CLDN10: variants seen among roughly 807,000 people sequenced by gnomAD.
The protein encoded by CLDN10 is claudin-10.
In CLDN10, 15 loss-of-function variants were observed where a neutral mutation model predicts 22.9. The ratio of observed to expected loss-of-function variants is 0.65; its 90% CI spans 0.44 to 1.01. The LOEUF is 1.01. Ranked by LOEUF, CLDN10 falls within the 50% of genes least tolerant of loss-of-function variation. The pLI is 0.00. For missense variants in CLDN10, 247 were observed against 287.8 expected (o/e 0.86, Z 1.03); for synonymous variants, 114 against 111.4 (o/e 1.02, Z -0.15).
chr13:95,574,173 A>G (rs563570711), intron 3 of CLDN10, among the ~76,000 whole-genome samples: 45 of 152,318 alleles, frequency 3.0e-4, no homozygotes, highest in South Asian at 1.9e-3. Context: ...TAGTGCCGCA[A>G]TAAACATATG....
At position 95,577,928 on chromosome 13, in the gene CLDN10, A is replaced by G. The variant is rs1268147050; in HGVS notation, c.601A>G (p.Met201Val). Residue 201 changes from methionine (M) to valine (V), a missense_variant, in exon 5 of 5, where the codon ATG (methionine) becomes GTG (valine). Physicochemically the swap from Met to Val is conservative, Grantham distance 21. Coordinates refer to ENST00000299339, the MANE Select transcript of CLDN10 (RefSeq NM_006984.5). ...CACATACAACGGGGCCACATCTGTC[A>G]TGTCTTCTCGGACAAAGTATCATGG... is the stretch of plus-strand genomic sequence containing the variant. ...RYTYNGATSV[M>V]SSRTKYHGGE... 5 of 1,613,730 alleles carry G rather than the reference A, an allele frequency of 3.1e-6. No individual in the cohort carries two copies. Among genetic ancestry groups the G allele is most frequent in the African/African-American group, 2.7e-5 (2 of 75,044 alleles).
intron 1 of CLDN10, among the ~76,000 whole-genome samples, chr13:95,556,052 CT>C (rs531808961): frequency 3.4e-4 from 50 of 146,278 alleles, no homozygotes; most frequent in Admixed American, 4.1e-4. Context: ...AATTTCTTTT[CT>C]TTTTTTTTTT....
chr13:95,509,401 TG>T (rs1476677395), intron 1 of CLDN10, among the ~76,000 whole-genome samples: 2 of 152,110 alleles, frequency 1.3e-5, no homozygotes, highest in African/African-American at 4.8e-5. Flanking sequence ...GGAAATTGGC[TG>T]GGGGTCAGGT....
At chr13:95,542,102 C>T (rs955847436) in intron 1 of CLDN10, among the ~76,000 whole-genome samples, 8 of 152,248 alleles carry the variant, frequency 5.3e-5, no homozygotes, top group Admixed American at 3.3e-4. Context: ...AGCAAGAGAG[C>T]GAGGTGGGAA....
chr13:95,520,227 C>G (rs2043210981), intron 1 of CLDN10, among the ~76,000 whole-genome samples: 1 of 152,134 alleles, frequency 6.6e-6, no homozygotes, highest in African/African-American at 2.4e-5. Context: ...TGATTTTAAG[C>G]AAAACTTCCA....
At position 95,447,919 on chromosome 13, in the gene CLDN10, T is replaced by C. The variant is rs578130603; in HGVS notation, c.214+13872T>C. On this transcript the variant is annotated intron_variant, in intron 1 of 4. Transcript: ENST00000376873. ...GAGTCTTCCCCTCCCACCTGCAGCA[T>C]CAAAGCTGCCCTGCGGGGGTGCAGC... Among the ~76,000 whole-genome samples, 8 of 152,172 alleles carry C rather than the reference T, an allele frequency of 5.3e-5. No homozygotes were observed. The South Asian group carries it at 1.7e-3, about 32-fold the overall frequency.
intron 1 of CLDN10, among the ~76,000 whole-genome samples, chr13:95,524,806 C>A (rs1454205774): frequency 2.6e-5 from 4 of 151,994 alleles, no homozygotes; most frequent in Admixed American, 2.6e-4. Flanking sequence ...TTTCTCCAAG[C>A]TCTCACCAAC....
intron 1 of CLDN10, among the ~76,000 whole-genome samples, chr13:95,483,599 C>T (rs997439483): frequency 3.3e-5 from 5 of 152,184 alleles, no homozygotes; most frequent in Non-Finnish European, 7.3e-5. Context: ...AGGGACCACA[C>T]CTGTGGAAGG....
chr13:95,493,967 T>A (rs2042902579), intron 1 of CLDN10, among the ~76,000 whole-genome samples: 2 of 152,236 alleles, frequency 1.3e-5, no homozygotes, highest in Non-Finnish European at 2.9e-5. Context: ...ATGTTACACA[T>A]ATCATTTTCG....
intron 1 of CLDN10, among the ~76,000 whole-genome samples, chr13:95,462,620 GA>G (rs894727290): frequency 3.0e-4 from 45 of 152,268 alleles, no homozygotes; most frequent in African/African-American, 1.0e-3. Context: ...AGGGCCTGGG[GA>G]CCACTTGGCA....
At chr13:95,437,074 T>C (rs1426296376) in intron 1 of CLDN10, among the ~76,000 whole-genome samples, 4 of 152,202 alleles carry the variant, frequency 2.6e-5, no homozygotes, top group Non-Finnish European at 5.9e-5. Context: ...TCTTGCTGAT[T>C]ATATAACTTC....
intron 3 of CLDN10, among the ~76,000 whole-genome samples, chr13:95,570,777 A>G (rs1426114147): frequency 1.3e-5 from 2 of 150,864 alleles, no homozygotes; most frequent in Non-Finnish European, 2.9e-5. Context: ...ATGAAATTTC[A>G]GTTAGATAGG....
rs1273822574 is a variant in CLDN10 at position 95,511,993 on chromosome 13, C to T, written c.215-48139C>T. Among the ~76,000 whole-genome samples the T allele has an allele frequency of 4.5e-4, 60 of 133,560 alleles. 2 individuals are homozygous for T. Among genetic ancestry groups the T allele is most frequent in the African/African-American group, 1.5e-3 (58 of 38,596 alleles). 87.6% of individuals were successfully genotyped at this position (133,560 alleles called of 152,430 possible). On this transcript the variant is annotated intron_variant, in intron 1 of 4. Coordinates refer to the CLDN10 transcript ENST00000376873. ...TAGGTATATCTCCTAATGCTATCCC[C>T]CCCCTCTCCCCCCACCCCACAACAG...
At chr13:95,544,801 G>T (rs980606965) in intron 1 of CLDN10, among the ~76,000 whole-genome samples, 4 of 151,334 alleles carry the variant, frequency 2.6e-5, no homozygotes, top group Admixed American at 1.3e-4. Context: ...TTTTGAGATG[G>T]ACTCTTGCTC....
intron 1 of CLDN10, among the ~76,000 whole-genome samples, chr13:95,513,859 T>G (rs2043132847): frequency 6.6e-6 from 1 of 152,200 alleles, no homozygotes; most frequent in Non-Finnish European, 1.5e-5. Flanking sequence ...TTTTCATGGG[T>G]GCCTTAAAGG....
intron 1 of CLDN10, among the ~76,000 whole-genome samples, chr13:95,439,165 T>A (rs2042300657): frequency 6.6e-6 from 1 of 151,922 alleles, no homozygotes; most frequent in South Asian, 2.1e-4. Flanking sequence ...CAAAATACCA[T>A]AAACTGGGTA....
intron 1 of CLDN10, among the ~76,000 whole-genome samples, chr13:95,503,639 C>G (rs1370748595): frequency 6.6e-6 from 1 of 152,116 alleles, no homozygotes; most frequent in Non-Finnish European, 1.5e-5. Context: ...TATATACTTA[C>G]AATGGAATAT....
chr13:95,511,966 A>G (rs2043105639), intron 1 of CLDN10, among the ~76,000 whole-genome samples: 1 of 137,538 alleles, frequency 7.3e-6, no homozygotes. Context: ...ATCATTTAAC[A>G]TTAGGTATAT....
intron 1 of CLDN10, among the ~76,000 whole-genome samples, chr13:95,489,824 A>G (rs534562652): frequency 1.3e-5 from 2 of 152,282 alleles, no homozygotes; most frequent in South Asian, 2.1e-4. Context: ...TTCCAATGTT[A>G]TCTTCTACAA....
Sources: gnomAD v4.1 joint callset for allele counts (sites outside exome capture counted in the v4.1 genomes callset) on GRCh38, gnomAD v4.1.1 for gene constraint, MANE v1.5 for transcripts, NCBI Gene and HGNC (gene_info 2026-07-23, HGNC 2026-07-21) for gene names.